The following ARHGEF7 variants were observed in gnomAD, a reference collection of about 807,000 sequenced individuals.
ARHGEF7 encodes Rho guanine nucleotide exchange factor 7.
ARHGEF7 carries 33 observed loss-of-function variants against 109.8 expected under a neutral mutation model. That is an observed-to-expected ratio of 0.30 (90% CI 0.23 to 0.40). The LOEUF (loss-of-function observed/expected upper bound fraction) is 0.40. Ranked by LOEUF, ARHGEF7 falls within the 10% of genes least tolerant of loss-of-function variation. The probability of loss-of-function intolerance (pLI) is 1.00; values close to 1 mark genes in which losing one functional copy is unlikely to be tolerated. For synonymous variants in ARHGEF7, 458 were observed against 424.6 expected (o/e 1.08, Z -0.97); for missense variants, 938 against 1,098.5 (o/e 0.85, Z 2.07).
chr13:111,300,719 GT>G (rs1567133535), intron 19 of ARHGEF7, 28 bp from the exon 20 acceptor site: 1 of 1,489,538 alleles, frequency 6.7e-7, no homozygotes, highest in East Asian at 2.3e-5. Context: ...TTCGCCTGAG[GT>G]TTATTTATTA....
At chr13:111,139,493 C>G (rs574890853) in intron 1 of ARHGEF7, among the ~76,000 whole-genome samples, 1 of 152,206 alleles carries the variant, frequency 6.6e-6, no homozygotes, top group East Asian at 1.9e-4. Context: ...GTTTTGTCCC[C>G]CTTGGTTGAA....
At chr13:111,221,500 T>TAGAC (rs2084239937) in intron 5 of ARHGEF7, among the ~76,000 whole-genome samples, 1 of 81,838 alleles carries the variant, frequency 1.2e-5, no homozygotes. Context: ...GACATATATA[T>TAGAC]ATCTATATAT....
chr13:111,209,680 A>G (rs1382126392), intron 3 of ARHGEF7, among the ~76,000 whole-genome samples, 192 bp from the exon 4 acceptor site: 1 of 152,244 alleles, frequency 6.6e-6, no homozygotes, highest in Non-Finnish European at 1.5e-5. Flanking sequence ...CTGGAAAGGT[A>G]GTTGGGGAAT....
chr13:111,148,963 AT>A (rs1362177748), intron 1 of ARHGEF7, among the ~76,000 whole-genome samples: 14 of 152,348 alleles, frequency 9.2e-5, no homozygotes. Flanking sequence ...TCAAGTATTT[AT>A]TTTTGTGAAC....
At chr13:111,185,645 T>C (rs1415282602) in intron 2 of ARHGEF7, among the ~76,000 whole-genome samples, 7 of 152,258 alleles carry the variant, frequency 4.6e-5, no homozygotes, top group Non-Finnish European at 1.0e-4. Context: ...CAGATCCTTC[T>C]TTGTGGTATG....
chr13:111,270,125 C>T (rs1384512252), intron 9 of ARHGEF7, among the ~76,000 whole-genome samples: 4 of 152,262 alleles, frequency 2.6e-5, no homozygotes, highest in African/African-American at 7.2e-5. Flanking sequence ...CTCAGACCTT[C>T]TGCAGCGTCC....
chr13:111,153,734 A>T (rs922741452), intron 1 of ARHGEF7, 171 bp from the exon 2 acceptor site: 38 of 1,336,136 alleles, frequency 2.8e-5, no homozygotes, highest in Non-Finnish European at 3.6e-5. Flanking sequence ...GAGGAGAAGC[A>T]GCGGCTGAGC....
intron 2 of ARHGEF7, among the ~76,000 whole-genome samples, chr13:111,172,643 G>A (rs901863216): frequency 2.6e-5 from 4 of 152,230 alleles, no homozygotes; most frequent in African/African-American, 9.6e-5. Context: ...ACTGTCATTT[G>A]CACACTTAGT....
intron 1 of ARHGEF7, among the ~76,000 whole-genome samples, chr13:111,134,363 G>T (rs2074981297): frequency 6.6e-6 from 1 of 152,210 alleles, no homozygotes; most frequent in Non-Finnish European, 1.5e-5. Flanking sequence ...CTGAGGAATT[G>T]CCACACTGTC....
At chr13:111,130,024 T>C (rs1229936336) in intron 1 of ARHGEF7, among the ~76,000 whole-genome samples, 1 of 152,240 alleles carries the variant, frequency 6.6e-6, no homozygotes, top group Non-Finnish European at 1.5e-5. Flanking sequence ...TATATTCCTG[T>C]AATGGAACAC....
chr13:111,221,542 G>C (rs1379598774), intron 5 of ARHGEF7, among the ~76,000 whole-genome samples: 1 of 55,348 alleles, frequency 1.8e-5, no homozygotes, highest in African/African-American at 6.7e-5. Context: ...TCTATATATA[G>C]ATACATATCT....
intron 1 of ARHGEF7, among the ~76,000 whole-genome samples, chr13:111,139,165 A>G (rs1016965318): frequency 3.9e-5 from 6 of 152,234 alleles, no homozygotes; most frequent in Middle Eastern, 3.2e-3. Flanking sequence ...CAGAAGATTG[A>G]TTAGTGAACT....
At chr13:111,283,838 C>G (rs2092902894) in intron 16 of ARHGEF7, among the ~76,000 whole-genome samples, 1 of 152,216 alleles carries the variant, frequency 6.6e-6, no homozygotes, top group South Asian at 2.1e-4. Flanking sequence ...AAAACAATCA[C>G]TTAGGCGGTT....
In ARHGEF7 at chr13:111,288,560, C is replaced by G. The variant is rs139086022; in HGVS notation, c.2134+117C>G. On this transcript the variant is annotated intron_variant, in intron 18 of 21. Transcript: ENST00000646102. ...TGCACAGCCCATGCGCCTGACCTCC[C>G]AGTGAGTGATGTTTCAGTCAGGGGT... 3.1e-3 allele frequency: 1,854 copies of G among 595,306 alleles called. 5 individuals are homozygous for G. The highest frequency in any genetic ancestry group is 1.0e-2 in the Middle Eastern group (37 of 3,704). The allele number at this position is 595,306 out of a possible 1,614,324, so 36.9% of individuals were successfully genotyped here.
chr13:111,296,238 G>A (rs1357176761), intron 19 of ARHGEF7, among the ~76,000 whole-genome samples: 2 of 151,488 alleles, frequency 1.3e-5, no homozygotes, highest in Non-Finnish European at 2.9e-5. Context: ...CTAGAGATGT[G>A]TGACTATTTG....
chr13:111,174,631 T>G (rs888851304), intron 2 of ARHGEF7, among the ~76,000 whole-genome samples: 2 of 152,254 alleles, frequency 1.3e-5, no homozygotes, highest in Admixed American at 1.3e-4. Flanking sequence ...TTGAGTTCAT[T>G]GTCTTGCCTT....
intron 17 of ARHGEF7, among the ~76,000 whole-genome samples, chr13:111,286,524 T>C (rs2093026934): frequency 6.6e-6 from 1 of 152,178 alleles, no homozygotes; most frequent in African/African-American, 2.4e-5. Context: ...GCTCTCCTGC[T>C]CTTCTGGTTC....
At position 111,279,509 on chromosome 13, in the gene ARHGEF7, G is replaced by A. The variant is rs534018605; in HGVS notation, c.1507-763G>A. ...AGGTGCTTATGTAGAATCCTGCTCC[G>A]CAGCTGATGGAGTGCTCCCCAGGCA... On this transcript the variant is annotated intron_variant, in intron 13 of 21. Transcript: ENST00000646102. Among the ~76,000 whole-genome samples, 7 of 152,352 alleles carry A rather than the reference G, an allele frequency of 4.6e-5. No homozygotes were observed. In the South Asian group the frequency reaches 6.2e-4, roughly 14 times the overall value.
At chr13:111,274,813 T>G in intron 11 of ARHGEF7, 23 bp downstream of exon 11, 1 of 1,390,906 alleles carries the variant, frequency 7.2e-7, no homozygotes, top group Non-Finnish European at 9.5e-7. Context: ...GCATATTGTT[T>G]TCCCCCCCAG....
Sources: allele counts gnomAD v4.1 joint callset (sites outside exome capture counted in the v4.1 genomes callset), GRCh38; gene constraint gnomAD v4.1.1; transcripts MANE v1.5; gene names NCBI Gene and HGNC (gene_info 2026-07-23, HGNC 2026-07-21).